LEFTY2: variants seen among roughly 807,000 people sequenced by gnomAD.
LEFTY2 encodes left-right determination factor 2, also known as TGF-beta-4.
Under a neutral mutation model 26.4 loss-of-function variants are expected in LEFTY2, and 10 were observed. The ratio of observed to expected loss-of-function variants is 0.38; its 90% CI spans 0.23 to 0.64. LEFTY2 has a LOEUF of 0.64. Ranked by LOEUF, LEFTY2 falls within the 30% of genes least tolerant of loss-of-function variation. LEFTY2 has a pLI of 0.56. For synonymous variants in LEFTY2, 204 were observed against 234.1 expected (o/e 0.87, Z 1.17); for missense variants, 407 against 502.1 (o/e 0.81, Z 1.81).
rs1330495259 is a variant in LEFTY2 at position 225,941,175 on chromosome 1, G to A, written c.-35C>T. ...CTGGGGGAGCAGGAGGCAGAGTGGG[G>A]CTGTCCTCTAGGGAGGTTGAAGGAG... On this transcript the variant is annotated 5_prime_UTR_variant, in exon 1 of 4. Transcript: ENST00000366820. The A allele has an allele frequency of 6.6e-7, 1 of 1,515,286 alleles. No individual in the cohort carries two copies. The highest frequency in any genetic ancestry group is 8.8e-7 in the Non-Finnish European group (1 of 1,138,674). 93.9% of individuals were successfully genotyped at this position (1,515,286 alleles called of 1,614,324 possible).
At position 225,939,848 on chromosome 1, in the gene LEFTY2, C is replaced by T. The variant is rs1260832644; in HGVS notation, c.405G>A (p.Arg135=). The change falls in exon 2 of 4, where the codon CGG becomes CGA. Residue 135 remains arginine, a synonymous_variant. Transcript: ENST00000366820. This position sits in a 1 kb window ranked among gnomAD's most constrained non-coding sequence, Gnocchi z 4.1. The part of the protein sequence containing the change: ...VPKAALHRHG[R]LSPRSAQARV... ...GGGCCTGGGCGCTGCGCGGGGACAGCCGCCCGTGCCTGTGCAGCGCGGCCT... is the reference window on the plus strand; with the variant it reads ...GGGCCTGGGCGCTGCGCGGGGACAGTCGCCCGTGCCTGTGCAGCGCGGCCT... The T allele has an allele frequency of 5.2e-6, 8 of 1,544,018 alleles. No individual in the cohort carries two copies. Among genetic ancestry groups the T allele is most frequent in the African/African-American group, 2.7e-5 (2 of 73,814 alleles).
chr1:225,940,168 C>A (rs552112643), intron 1 of LEFTY2, 166 bp from the exon 2 acceptor site: 1 of 1,154,126 alleles, frequency 8.7e-7, no homozygotes, highest in East Asian at 2.6e-5. Context: ...TGTTTAGTAA[C>A]AATTTCCATC....
rs755280651 is a variant in LEFTY2, at chr1:225,939,539, A to G, written c.559T>C (p.Trp187Arg). The change falls in exon 3 of 4, where the codon TGG (tryptophan) becomes CGG (arginine). Residue 187 changes from tryptophan to arginine, a missense_variant. Transcript: ENST00000366820. The surrounding 1 kb of genome is among the most constrained non-coding windows in gnomAD (Gnocchi z 4.1). ...TGCCGGGGCCGGCTCAGCTGCTGCC[A>G]GAAGTTCACGGCCTCGGTCACGTCG... is the stretch of plus-strand genomic sequence containing the variant. ...AFDVTEAVNFWQQLSRPRQPL... is the reference protein window; with the variant it reads ...AFDVTEAVNFRQQLSRPRQPL... 1 of 1,611,698 alleles carries G rather than the reference A, an allele frequency of 6.2e-7. No homozygotes were observed. Among genetic ancestry groups the G allele is most frequent in the African/African-American group, 1.3e-5 (1 of 74,914 alleles).
At position 225,937,372 on chromosome 1, in the gene LEFTY2, T is replaced by C. The variant is rs1672175264; in HGVS notation, c.*69A>G. 3 of 1,609,732 alleles carry C rather than the reference T, an allele frequency of 1.9e-6. No individual in the cohort carries two copies. The highest frequency in any genetic ancestry group is 2.2e-5 in the South Asian group (2 of 90,972). On this transcript the variant is annotated 3_prime_UTR_variant, in exon 4 of 4. Transcript: ENST00000366820. ...ATGGAGTAACTTGCTAAGTATAAAG[T>C]TAAGACCTACATTAAGACCACCTCT...
At position 225,937,485 on chromosome 1, in the gene LEFTY2, A is replaced by G. The variant is rs753735677; in HGVS notation, c.1057T>C (p.Cys353Arg). Residue 353 changes from cysteine (C) to arginine (R), a missense_variant, in exon 4 of 4, where the codon TGT becomes CGT. Cys to Arg is a radical substitution (Grantham distance 180, BLOSUM62 -3). Transcript: ENST00000366820. The part of the protein sequence containing the change: ...LPNMRVQKCS[C>R]ASDGALVPRR... ...GGCACGAGCGCCCCATCCGAGGCAC[A>G]GCTGCACTTCTGCACCCTCATGTTG... The G allele has an allele frequency of 6.2e-7, 1 of 1,614,116 alleles. No individual in the cohort carries two copies. The highest frequency in any genetic ancestry group is 8.5e-7 in the Non-Finnish European group (1 of 1,180,054).
chr1:225,938,265 A>AG (rs1328985641), intron 3 of LEFTY2, among the ~76,000 whole-genome samples: 5 of 152,252 alleles, frequency 3.3e-5, no homozygotes, highest in African/African-American at 4.8e-5. Context: ...CTTGTCCATG[A>AG]GAAAGAATTC....
chr1:225,940,136 A>C (rs907009910), intron 1 of LEFTY2, 134 bp from the exon 2 acceptor site: 2 of 1,415,460 alleles, frequency 1.4e-6, no homozygotes, highest in Non-Finnish European at 1.9e-6. Flanking sequence ...CCAGTTTACA[A>C]ATCTTCCTTG....
chr1:225,938,083 C>T (rs1197440402), intron 3 of LEFTY2, among the ~76,000 whole-genome samples: 1 of 152,210 alleles, frequency 6.6e-6, no homozygotes, highest in Non-Finnish European at 1.5e-5. Context: ...CAGGTAGGTT[C>T]CAGCATTATC....
At position 225,937,312 on chromosome 1, in the gene LEFTY2, A is replaced by G. The variant is rs569751677; in HGVS notation, c.*129T>C. On this transcript the variant is annotated 3_prime_UTR_variant, in exon 4 of 4. Coordinates refer to ENST00000366820, the MANE Select transcript of LEFTY2 (RefSeq NM_003240.5). ...CGGGAAAGACAGGAAATGGAAGGAC[A>G]CAGGGCGAAGGTCACACAGGAGCAC... is the stretch of plus-strand genomic sequence containing the variant. The G allele has an allele frequency of 6.8e-6, 10 of 1,469,772 alleles. No individual in the cohort carries two copies. The African/African-American group carries it at 1.2e-4, about 18-fold the overall frequency. The allele number at this position is 1,469,772 out of a possible 1,614,324, so 91.0% of individuals were successfully genotyped here.
rs1195653449 is a variant in LEFTY2 at position 225,941,057 on chromosome 1, C to T, written c.84G>A (p.Leu28=). ...PGAALTEEQL[L]GSLLRQLQLS... is the part of the protein sequence containing the mutation. ...GCTGCAGCTGCCGCAGCAGGCTGCC[C>T]AGGAGCTGCTCCTCGGTCAGGGCCG... Residue 28 remains leucine, a synonymous_variant, in exon 1 of 4, where the codon CTG becomes CTA. Transcript: ENST00000366820. 6.2e-7 allele frequency: 1 copy of T among 1,610,468 alleles called. No individual in the cohort carries two copies. Among genetic ancestry groups the T allele is most frequent in the East Asian group, 2.2e-5 (1 of 44,808 alleles).
At position 225,939,707 on chromosome 1, in the gene LEFTY2, G is replaced by T. The variant is rs1318237412; in HGVS notation, c.497+49C>A. The T allele has an allele frequency of 6.2e-7, 1 of 1,607,124 alleles. No homozygotes were observed. ...CCCCCTGCGTCCCCGCCCCCAAGCC[G>T]GGCCGAGCAGCCTCCTACTCCTGCC... On this transcript the variant is annotated intron_variant, in intron 2 of 3. Transcript: ENST00000366820. This position sits in a 1 kb window ranked among gnomAD's most constrained non-coding sequence, Gnocchi z 4.1.
Position 225,939,290 on chromosome 1 carries a change from A to C in LEFTY2, c.737+71T>G. ...CCACCGCCACCATCCGGTCCCCCAG[A>C]CAGTCCTGGGGACGGGGGTCTGGAC... On this transcript the variant is annotated intron_variant, in intron 3 of 3. Transcript: ENST00000366820. The surrounding 1 kb of genome is among the most constrained non-coding windows in gnomAD (Gnocchi z 4.1). 6.2e-7 allele frequency: 1 copy of C among 1,603,616 alleles called. No individual in the cohort carries two copies. Among genetic ancestry groups the C allele is most frequent in the Non-Finnish European group, 8.5e-7 (1 of 1,175,396 alleles).
rs745421883 is a variant in LEFTY2, at chr1:225,941,142, G to A, written c.-2C>T. On this transcript the variant is annotated 5_prime_UTR_variant, in exon 1 of 4. Coordinates refer to ENST00000366820, the MANE Select transcript of LEFTY2 (RefSeq NM_003240.5). ...CCAGCAGAGCCACAGGGGCCACATG[G>A]TGCTGCCCTGGGGGAGCAGGAGGCA... The A allele has an allele frequency of 3.0e-5, 47 of 1,549,990 alleles. No homozygotes were observed. The highest frequency in any genetic ancestry group is 3.6e-5 in the Non-Finnish European group (41 of 1,151,914).
In LEFTY2 at chr1:225,937,228, A is replaced by G; in HGVS notation, c.*213T>C. 1.5e-6 allele frequency: 1 copy of G among 668,924 alleles called. No individual in the cohort carries two copies. Among genetic ancestry groups the G allele is most frequent in the East Asian group, 2.7e-5 (1 of 36,646 alleles). The allele number at this position is 668,924 out of a possible 1,614,324, so 41.4% of individuals were successfully genotyped here. On this transcript the variant is annotated 3_prime_UTR_variant, in exon 4 of 4. Transcript: ENST00000366820. ...AATCAGCATGCCAGCATTTCCTACT[A>G]GAGCTCAGCATCTGAGCTGCATTAT... is the stretch of plus-strand genomic sequence containing the variant.
At position 225,939,689 on chromosome 1, in the gene LEFTY2, C is replaced by A. The variant is rs146882318; in HGVS notation, c.497+67G>T. ...CCCGAGGACCCTGCACCGCCCCCTG[C>A]GTCCCCGCCCCCAAGCCGGGCCGAG... On this transcript the variant is annotated intron_variant, in intron 2 of 3. Coordinates refer to ENST00000366820, the MANE Select transcript of LEFTY2 (RefSeq NM_003240.5). This position sits in a 1 kb window ranked among gnomAD's most constrained non-coding sequence, Gnocchi z 4.1. 21 of 1,609,370 alleles carry A rather than the reference C, an allele frequency of 1.3e-5. No individual in the cohort carries two copies. In the East Asian group the frequency reaches 4.5e-4, roughly 34 times the overall value.
chr1:225,940,973 G>T lies in LEFTY2; in HGVS notation c.168C>A (p.His56Gln), dbSNP rs771776125. 1 of 1,613,734 alleles carries T rather than the reference G, an allele frequency of 6.2e-7. No individual in the cohort carries two copies. The highest frequency in any genetic ancestry group is 1.7e-5 in the Admixed American group (1 of 60,028). ...GCAGGACTACATACTGGGCCCTCAC[G>T]TGGGCGGGGATGACCAGCTTCTCCA... ...ADMEKLVIPA[H>Q]VRAQYVVLLR... is the part of the protein sequence containing the mutation. Residue 56 changes from histidine (H) to glutamine (Q), a missense_variant, in exon 1 of 4, where the codon CAC (histidine) becomes CAA (glutamine). His to Gln is a conservative substitution (Grantham distance 24). Transcript: ENST00000366820.
chr1:225,938,120 C>T (rs1373488403), intron 3 of LEFTY2, among the ~76,000 whole-genome samples: 1 of 152,138 alleles, frequency 6.6e-6, no homozygotes, highest in African/African-American at 2.4e-5. Context: ...CCACTGACAC[C>T]CAGAGGTGTT....
At chr1:225,938,192 C>T (rs1212027908) in intron 3 of LEFTY2, among the ~76,000 whole-genome samples, 1 of 152,218 alleles carries the variant, frequency 6.6e-6, no homozygotes, top group African/African-American at 2.4e-5. Context: ...CCCAGGCCAA[C>T]CGGCTCCAAG....
rs1381982649 is a variant in LEFTY2, at chr1:225,937,363, A to T, written c.*78T>A. The T allele has an allele frequency of 7.5e-6, 12 of 1,603,502 alleles. No individual in the cohort carries two copies. Among genetic ancestry groups the T allele is most frequent in the Non-Finnish European group, 1.0e-5 (12 of 1,175,756 alleles). ...TAAATTGGGATGGAGTAACTTGCTA[A>T]GTATAAAGTTAAGACCTACATTAAG... On this transcript the variant is annotated 3_prime_UTR_variant, in exon 4 of 4. Coordinates refer to ENST00000366820, the MANE Select transcript of LEFTY2 (RefSeq NM_003240.5).
Sources: gnomAD v4.1 joint callset for allele counts (sites outside exome capture counted in the v4.1 genomes callset) on GRCh38, gnomAD v4.1.1 for gene constraint, Gnocchi (gnomAD v3.1) non-coding constraint, MANE v1.5 for transcripts, NCBI Gene and HGNC (gene_info 2026-07-23, HGNC 2026-07-21) for gene names.